COL3A1: variants seen among roughly 807,000 people sequenced by gnomAD.
The protein encoded by COL3A1 is collagen alpha-1(III) chain.
In COL3A1, 46 loss-of-function variants were observed where a neutral mutation model predicts 200.9. That is an observed-to-expected ratio of 0.23 (90% confidence interval 0.18 to 0.29). The LOEUF (loss-of-function observed/expected upper bound fraction) is 0.29, where lower values mean the gene tolerates loss of function less well. Ranked by LOEUF, COL3A1 falls within the 10% of genes least tolerant of loss-of-function variation. The pLI is 1.00. For missense variants in COL3A1, 1,367 were observed against 1,917.6 expected, an observed-to-expected ratio of 0.71 and a Z score of 5.36; for synonymous variants, 650 against 628.0, an observed-to-expected ratio of 1.03 and a Z score of -0.52.
Position 188,995,779 on chromosome 2 carries a change from C to A in COL3A1, c.1597C>A (p.Pro533Thr). 6.4e-7 allele frequency: 1 copy of A among 1,560,358 alleles called. No homozygotes were observed. The highest frequency in any genetic ancestry group is 1.2e-5 in the South Asian group (1 of 84,482). Residue 533 changes from proline to threonine, a missense_variant, in exon 22 of 51, where the codon CCA (proline) becomes ACA (threonine). Physicochemically the swap from Pro to Thr is conservative, Grantham distance 38. Coordinates refer to ENST00000304636, the MANE Select transcript of COL3A1 (RefSeq NM_000090.4). The part of the protein sequence containing the change: ...EPGRDGVPGG[P>T]GMRGMPGSPG... ...TGGCAGAGATGGCGTCCCTGGAGGT[C>A]CAGGAATGAGGGTACAGAGAAACAT...
In COL3A1 at chr2:188,994,858, G is replaced by A; in HGVS notation, c.1455+27G>A. ...TACGTTTTCCATGGGGCATCTAAAA[G>A]AAAAGCAGCATCACTGTCATCTAAA... is the stretch of plus-strand genomic sequence containing the variant. On this transcript the variant is annotated intron_variant, in intron 20 of 50. Coordinates refer to ENST00000304636, the MANE Select transcript of COL3A1 (RefSeq NM_000090.4). The surrounding 1 kb of genome is among the most constrained non-coding windows in gnomAD (Gnocchi z 4.5). 1 of 1,610,154 alleles carries A rather than the reference G, an allele frequency of 6.2e-7. No homozygotes were observed. The highest frequency in any genetic ancestry group is 1.3e-5 in the African/African-American group (1 of 74,898).
At chr2:188,998,374 G>C in intron 28 of COL3A1, 55 bp downstream of exon 28, 1 of 1,452,042 alleles carries the variant, frequency 6.9e-7, no homozygotes, top group Non-Finnish European at 9.6e-7. Context: ...CACACTGTTT[G>C]TTTGTCAACT....
chr2:189,004,512 T>C, intron 40 of COL3A1, 148 bp downstream of exon 40: 1 of 707,504 alleles, frequency 1.4e-6, no homozygotes, highest in South Asian at 1.9e-5. Flanking sequence ...TTTAAAAGCA[T>C]AAATTTTAAT....
At chr2:189,005,255 A>AT in intron 40 of COL3A1, 95 bp from the exon 41 acceptor site, 1 of 1,143,586 alleles carries the variant, frequency 8.7e-7, no homozygotes, top group Non-Finnish European at 1.3e-6. Context: ...ATTAAATAAA[A>AT]TAAGTTTTTT....
chr2:189,012,610 T>C lies in COL3A1; in HGVS notation c.*836T>C, dbSNP rs1412955952. The C allele has an allele frequency of 6.6e-6, 1 of 152,552 alleles. No homozygotes were observed. The allele number at this position is 152,552 out of a possible 1,614,324, so 9.4% of individuals were successfully genotyped here. On this transcript the variant is annotated 3_prime_UTR_variant, in exon 51 of 51. Coordinates refer to ENST00000304636, the MANE Select transcript of COL3A1 (RefSeq NM_000090.4). ...TCCTTCATCCTGTAAAGGTCAACAA[T>C]AAAAACCAAATTATGGGGCTGCTTT...
intron 16 of COL3A1, 82 bp downstream of exon 16, chr2:188,993,541 G>C: frequency 8.3e-7 from 1 of 1,204,248 alleles, no homozygotes; most frequent in Non-Finnish European, 1.2e-6. Flanking sequence ...CTCCATGAAA[G>C]CATGTGCTTC....
At chr2:188,998,905 C>A (rs188314216) in intron 29 of COL3A1, among the ~76,000 whole-genome samples, 187 bp downstream of exon 29, 83 of 152,256 alleles carry the variant, frequency 5.5e-4, no homozygotes, top group Non-Finnish European at 2.6e-4. Flanking sequence ...TCTGGAAGGT[C>A]CAATTCTCTG....
At chr2:188,992,562 T>C (rs1688210901) in intron 14 of COL3A1, among the ~76,000 whole-genome samples, 1 of 152,224 alleles carries the variant, frequency 6.6e-6, no homozygotes, top group South Asian at 2.1e-4. Context: ...ATGTAAGACA[T>C]GGCACTTTAA....
intron 50 of COL3A1, 139 bp downstream of exon 50, chr2:189,011,029 C>A (rs1688713741): frequency 9.0e-7 from 1 of 1,113,828 alleles, no homozygotes; most frequent in Non-Finnish European, 1.3e-6. Context: ...TACATTGCAT[C>A]TACTGATTCA....
At chr2:188,985,948 G>A (rs1688056961) in intron 4 of COL3A1, among the ~76,000 whole-genome samples, 170 bp downstream of exon 4, 1 of 151,918 alleles carries the variant, frequency 6.6e-6, no homozygotes, top group Non-Finnish European at 1.5e-5. Context: ...ACTATTCTAA[G>A]TACTTTATAA....
chr2:188,982,188 C>A (rs1213961254), intron 1 of COL3A1, among the ~76,000 whole-genome samples: 1 of 151,380 alleles, frequency 6.6e-6, no homozygotes, highest in Non-Finnish European at 1.5e-5. Context: ...CTAAAATAAT[C>A]TTTATATTGA....
chr2:189,002,055 T>C, intron 34 of COL3A1, among the ~76,000 whole-genome samples: 1 of 152,284 alleles, frequency 6.6e-6, no homozygotes, highest in South Asian at 2.1e-4. Flanking sequence ...GTTAAATACT[T>C]TAAAATTCTC....
chr2:188,985,657 T>G lies in COL3A1; in HGVS notation c.334-8T>G. ...TCACTATTTAATTTATTTTTATCTC[T>G]TTTTTAGGGCCCTCCTGGTATTCCT... On this transcript the variant is annotated splice_polypyrimidine_tract_variant and splice_region_variant and intron_variant, in intron 3 of 50. Coordinates refer to ENST00000304636, the MANE Select transcript of COL3A1 (RefSeq NM_000090.4). The G allele has an allele frequency of 6.3e-7, 1 of 1,589,822 alleles. No individual in the cohort carries two copies.
At chr2:189,005,669 A>G (rs1490165056) in intron 41 of COL3A1, 1 of 628,458 alleles carries the variant, frequency 1.6e-6, no homozygotes, top group African/African-American at 1.8e-5. Context: ...ATTTGTGGAG[A>G]AAATATTATC....
At position 189,006,985 on chromosome 2, in the gene COL3A1, G is replaced by A. The variant is rs113038686; in HGVS notation, c.3250G>A (p.Ala1084Thr). Residue 1084 changes from alanine to threonine, a missense_variant, in exon 44 of 51, where the codon GCT (alanine) becomes ACT (threonine). Ala to Thr is a moderately conservative substitution (Grantham distance 58). Around this residue, in one of 5 missense-constraint regions of COL3A1, gnomAD observed 846 missense variants for 1,147.9 expected, o/e 0.74. Transcript: ENST00000304636. ...GAPGPAGSRG[A>T]PGPQGPRGDK... ...TCCCGGTCCTGCTGGTTCCCGAGGT[G>A]CTCCTGTAAGTTTTGTCATTTTTTG... 6.2e-7 allele frequency: 1 copy of A among 1,611,910 alleles called. No individual in the cohort carries two copies. Among genetic ancestry groups the A allele is most frequent in the South Asian group, 1.1e-5 (1 of 90,980 alleles).
chr2:188,978,392 A>T (rs990086920), intron 1 of COL3A1, among the ~76,000 whole-genome samples: 1 of 151,978 alleles, frequency 6.6e-6, no homozygotes, highest in African/African-American at 2.4e-5. Context: ...TCCTCAGGAA[A>T]GCCCCTGTTC....
Position 188,990,328 on chromosome 2 carries a change from A to T in COL3A1, c.766A>T (p.Ile256Leu). The T allele has an allele frequency of 2.5e-6, 4 of 1,613,306 alleles. No individual in the cohort carries two copies. The highest frequency in any genetic ancestry group is 3.4e-6 in the Non-Finnish European group (4 of 1,179,516). ...GPPGIKGPAGIPGFPGMKGHR... is the reference protein window; with the variant it reads ...GPPGIKGPAGLPGFPGMKGHR... ...TTAGGGTATCAAAGGTCCAGCTGGG[A>T]TACCTGGATTCCCTGGTATGAAAGG... The change falls in exon 10 of 51, where the codon ATA becomes TTA. Residue 256 changes from isoleucine to leucine, a missense_variant. Ile to Leu is a conservative substitution (Grantham distance 5). This residue lies in a region of COL3A1 where 462 missense variants were observed against 681.4 expected (regional missense o/e 0.68). Transcript: ENST00000304636.
chr2:188,977,884 G>A (rs140125616), intron 1 of COL3A1, among the ~76,000 whole-genome samples: 65 of 152,088 alleles, frequency 4.3e-4, no homozygotes, highest in African/African-American at 1.3e-3. Flanking sequence ...AGAGTAGTAC[G>A]TTAATTTTTT....
intron 1 of COL3A1, among the ~76,000 whole-genome samples, chr2:188,980,442 GATTAATCTTTTAGACAAT>G (rs1687929341): frequency 2.1e-5 from 1 of 46,992 alleles, no homozygotes; most frequent in Non-Finnish European, 4.7e-5. Flanking sequence ...AATTCTAAAA[GATTAATCTTTTAGACAAT>G]TCTAAAAGAT....
Sources: allele counts gnomAD v4.1 joint callset (sites outside exome capture counted in the v4.1 genomes callset), GRCh38; gene constraint gnomAD v4.1.1; regional missense constraint gnomAD v4.1.1; non-coding constraint Gnocchi (gnomAD v3.1); transcripts MANE v1.5; gene names NCBI Gene and HGNC (gene_info 2026-07-23, HGNC 2026-07-21).